Variants in CSTPP1 observed in about 807,000 individuals in gnomAD.
The protein encoded by CSTPP1 is centriolar satellite-associated tubulin polyglutamylase complex regulator 1, also known as UPF0705 protein C11orf49.
chr11:47,031,665 C>T, the CSTPP1 span, among the ~76,000 whole-genome samples: 2 of 151,360 alleles, frequency 1.3e-5, no homozygotes, highest in African/African-American at 4.9e-5. Context: ...CCACTGCACT[C>T]CAGCCTGAGC....
At chr11:46,969,056 A>G in the CSTPP1 span, among the ~76,000 whole-genome samples, 2 of 152,196 alleles carry the variant, frequency 1.3e-5, no homozygotes, top group African/African-American at 4.8e-5. Flanking sequence ...TTTTTATACT[A>G]TTGGATATTC....
chr11:47,113,389 G>A, the CSTPP1 span, among the ~76,000 whole-genome samples: 1 of 152,102 alleles, frequency 6.6e-6, no homozygotes, highest in Non-Finnish European at 1.5e-5. Context: ...TGGGTCAAAT[G>A]GTATTTCTAG....
the CSTPP1 span, among the ~76,000 whole-genome samples, chr11:47,105,635 CA>C: frequency 6.6e-6 from 1 of 152,172 alleles, no homozygotes; most frequent in African/African-American, 2.4e-5. Flanking sequence ...AAGGTATTCC[CA>C]TTTTACAGAT....
At chr11:47,027,595 T>C in the CSTPP1 span, among the ~76,000 whole-genome samples, 1 of 152,202 alleles carries the variant, frequency 6.6e-6, no homozygotes, top group Non-Finnish European at 1.5e-5. Flanking sequence ...CTACTGAGGA[T>C]TACTTAGGCA....
chr11:47,021,047 A>G, the CSTPP1 span, among the ~76,000 whole-genome samples: 1 of 152,232 alleles, frequency 6.6e-6, no homozygotes, highest in Non-Finnish European at 1.5e-5. Flanking sequence ...TAAGACAGAA[A>G]GGATTACTTT....
chr11:47,153,804 G>A, the CSTPP1 span, among the ~76,000 whole-genome samples: 1 of 152,202 alleles, frequency 6.6e-6, no homozygotes, highest in African/African-American at 2.4e-5. Flanking sequence ...CCACAATATC[G>A]TAGTCTCTGT....
At chr11:47,048,728 A>C in the CSTPP1 span, among the ~76,000 whole-genome samples, 1 of 152,166 alleles carries the variant, frequency 6.6e-6, no homozygotes, top group Admixed American at 6.5e-5. Flanking sequence ...GTTGGGGATG[A>C]TGAAAAAGTT....
At chr11:47,152,273 C>T in the CSTPP1 span, among the ~76,000 whole-genome samples, 1 of 152,020 alleles carries the variant, frequency 6.6e-6, no homozygotes, top group Non-Finnish European at 1.5e-5. Context: ...TATTGTTACC[C>T]GTATTAAGGG....
At chr11:47,008,716 A>C in the CSTPP1 span, among the ~76,000 whole-genome samples, 1 of 152,142 alleles carries the variant, frequency 6.6e-6, no homozygotes, top group Non-Finnish European at 1.5e-5. Flanking sequence ...TAATAGAAGG[A>C]AATGCCAAAT....
chr11:47,067,409 G>GC, the CSTPP1 span, among the ~76,000 whole-genome samples: 244 of 151,614 alleles, frequency 1.6e-3, 3 homozygotes, highest in East Asian at 0.033. Flanking sequence ...AACTGTGTCT[G>GC]CCCCCCCCAA....
the CSTPP1 span, among the ~76,000 whole-genome samples, chr11:46,968,467 C>G: frequency 1.4e-5 from 2 of 148,128 alleles, no homozygotes; most frequent in Non-Finnish European, 3.0e-5. Flanking sequence ...ATAGACCAGT[C>G]TTATCTATAA....
chr11:46,941,380 C>T, the CSTPP1 span, among the ~76,000 whole-genome samples: 1 of 152,096 alleles, frequency 6.6e-6, no homozygotes, highest in Non-Finnish European at 1.5e-5. Context: ...CGCTCTGTCA[C>T]CCAGGCTGGA....
chr11:47,035,429 A>G, the CSTPP1 span, among the ~76,000 whole-genome samples: 390 of 152,356 alleles, frequency 2.6e-3, 3 homozygotes, highest in African/African-American at 9.1e-3. Context: ...TACACAATTT[A>G]CTGGAGAAAT....
chr11:46,955,988 C>G, the CSTPP1 span, among the ~76,000 whole-genome samples: 1 of 9,644 alleles, frequency 1.0e-4, no homozygotes, highest in East Asian at 1.9e-3. Flanking sequence ...CTCCATCCAC[C>G]CCCCCCCCCC....
the CSTPP1 span, among the ~76,000 whole-genome samples, chr11:47,084,601 C>G: frequency 6.6e-6 from 1 of 152,034 alleles, no homozygotes; most frequent in Non-Finnish European, 1.5e-5. Flanking sequence ...TTCCCCGCTC[C>G]CCTCATGGAT....
the CSTPP1 span, among the ~76,000 whole-genome samples, chr11:47,108,318 C>T: frequency 6.6e-6 from 1 of 152,192 alleles, no homozygotes; most frequent in South Asian, 2.1e-4. Context: ...ACACTGTCCC[C>T]TCACTTTCCT....
chr11:46,996,563 A>G, the CSTPP1 span, among the ~76,000 whole-genome samples: 1 of 151,988 alleles, frequency 6.6e-6, no homozygotes, highest in South Asian at 2.1e-4. Context: ...CGGTCTCCCA[A>G]AGTTAAGGTT....
At chr11:47,100,233 CCT>C in the CSTPP1 span, among the ~76,000 whole-genome samples, 1 of 152,090 alleles carries the variant, frequency 6.6e-6, no homozygotes, top group Non-Finnish European at 1.5e-5. Context: ...AAATTTATTC[CCT>C]GTTTACAGCA....
chr11:47,052,783 C>A, the CSTPP1 span: 1 of 296,476 alleles, frequency 3.4e-6, no homozygotes, highest in Non-Finnish European at 6.3e-6. Flanking sequence ...CCAAGTGTAG[C>A]TCTTTACATG....
Sources: gnomAD v4.1 joint callset for allele counts (sites outside exome capture counted in the v4.1 genomes callset) on GRCh38, gnomAD v4.1.1 for gene constraint, MANE v1.5 for transcripts, NCBI Gene and HGNC (gene_info 2026-07-23, HGNC 2026-07-21) for gene names.